The following PLCB1 variants were observed in gnomAD, a reference collection of about 807,000 sequenced individuals.
The protein encoded by PLCB1 is 1-phosphatidylinositol 4,5-bisphosphate phosphodiesterase beta-1.
A neutral mutation model predicts 161.8 loss-of-function variants in PLCB1; 46 were observed. The observed-to-expected ratio is 0.28, with a 90% CI of 0.22 to 0.36. The LOEUF (loss-of-function observed/expected upper bound fraction) is 0.36. Ranked by LOEUF, PLCB1 falls within the 10% of genes least tolerant of loss-of-function variation. The pLI, the probability that PLCB1 is intolerant of heterozygous loss-of-function variation, is 1.00. For synonymous variants in PLCB1, 517 were observed against 503.7 expected (o/e 1.03, Z -0.35); for missense variants, 1,016 against 1,472.5 (o/e 0.69, Z 5.07).
chr20:8,336,813 T>C (rs371864632), intron 2 of PLCB1, among the ~76,000 whole-genome samples: 1 of 152,232 alleles, frequency 6.6e-6, no homozygotes, highest in East Asian at 1.9e-4. Flanking sequence ...TTTCATTTAC[T>C]GTCTCACCAT....
At chr20:8,183,380 G>A (rs1156498529) in intron 2 of PLCB1, among the ~76,000 whole-genome samples, 1 of 152,144 alleles carries the variant, frequency 6.6e-6, no homozygotes, top group African/African-American at 2.4e-5. Context: ...ACATCACAAG[G>A]TAAAATTTGA....
intron 3 of PLCB1, among the ~76,000 whole-genome samples, chr20:8,471,347 A>T (rs1243955759): frequency 6.6e-6 from 1 of 152,040 alleles, no homozygotes; most frequent in African/African-American, 2.4e-5. Flanking sequence ...TTCCCTAATC[A>T]TTTCTTTTGG....
chr20:8,647,833 T>G (rs536785466), intron 5 of PLCB1, 67 bp from the exon 6 acceptor site: 3 of 1,270,666 alleles, frequency 2.4e-6, no homozygotes, highest in South Asian at 2.4e-5. Context: ...TTGAGTGTAT[T>G]TTATTGTTCA....
At chr20:8,181,140 T>C (rs556736527) in intron 2 of PLCB1, among the ~76,000 whole-genome samples, 3 of 150,682 alleles carry the variant, frequency 2.0e-5, no homozygotes, top group African/African-American at 7.3e-5. Context: ...TCCCAGCTAC[T>C]CGGGAGGCTG....
intron 4 of PLCB1, among the ~76,000 whole-genome samples, chr20:8,631,046 A>G (rs1315422653): frequency 4.6e-5 from 7 of 152,194 alleles, no homozygotes; most frequent in Non-Finnish European, 2.9e-5. Context: ...GTGATGTTCT[A>G]TAGAGTATTT....
intron 9 of PLCB1, among the ~76,000 whole-genome samples, chr20:8,675,056 G>A (rs1039792330): frequency 6.6e-6 from 1 of 151,834 alleles, no homozygotes; most frequent in African/African-American, 2.4e-5. Context: ...ACAGACTTAG[G>A]GTACAGAATT....
chr20:8,153,954 A>G (rs2051534139), intron 2 of PLCB1, among the ~76,000 whole-genome samples: 2 of 152,194 alleles, frequency 1.3e-5, no homozygotes, highest in East Asian at 3.8e-4. Flanking sequence ...TCTGTAAAAT[A>G]GTAAAGCAAT....
At chr20:8,381,888 A>G (rs1422001866) in intron 3 of PLCB1, among the ~76,000 whole-genome samples, 1 of 151,220 alleles carries the variant, frequency 6.6e-6, no homozygotes, top group South Asian at 2.1e-4. Flanking sequence ...TTTTTTCGGG[A>G]AAAAAAGAAG....
intron 2 of PLCB1, among the ~76,000 whole-genome samples, chr20:8,220,184 G>A (rs141862938): frequency 4.5e-4 from 69 of 152,206 alleles, no homozygotes; most frequent in African/African-American, 1.6e-3. Context: ...CAAAAACTGC[G>A]ATTGGTATCA....
At chr20:8,571,895 G>A (rs191160812) in intron 3 of PLCB1, among the ~76,000 whole-genome samples, 1 of 152,068 alleles carries the variant, frequency 6.6e-6, no homozygotes, top group Non-Finnish European at 1.5e-5. Context: ...GAAACTGAGG[G>A]GCCCTTTTCC....
At chr20:8,428,105 G>T (rs1217217421) in intron 3 of PLCB1, among the ~76,000 whole-genome samples, 2 of 152,154 alleles carry the variant, frequency 1.3e-5, no homozygotes, top group Non-Finnish European at 2.9e-5. Flanking sequence ...GATACAACCA[G>T]GTTGGGTCCA....
chr20:8,142,679 T>A (rs1600194290), intron 1 of PLCB1, among the ~76,000 whole-genome samples: 1 of 152,172 alleles, frequency 6.6e-6, no homozygotes, highest in African/African-American at 2.4e-5. Context: ...GAACAAAAGA[T>A]GCATGGTTGT....
chr20:8,166,587 T>C (rs999597102), intron 2 of PLCB1, among the ~76,000 whole-genome samples: 5 of 152,010 alleles, frequency 3.3e-5, no homozygotes, highest in African/African-American at 1.2e-4. Context: ...GTTCCTGAGA[T>C]ACCGGAAAGC....
intron 3 of PLCB1, among the ~76,000 whole-genome samples, chr20:8,407,447 A>G (rs993621019): frequency 1.3e-5 from 2 of 152,264 alleles, no homozygotes; most frequent in Non-Finnish European, 2.9e-5. Flanking sequence ...TTACAGTTCT[A>G]CATGGCTGGG....
At chr20:8,529,023 A>C (rs1375014557) in intron 3 of PLCB1, among the ~76,000 whole-genome samples, 5 of 151,984 alleles carry the variant, frequency 3.3e-5, no homozygotes, top group African/African-American at 1.2e-4. Context: ...GGTGGTTTGT[A>C]CTTCCAGTCC....
intron 3 of PLCB1, among the ~76,000 whole-genome samples, chr20:8,459,664 G>A (rs1205592154): frequency 6.6e-6 from 1 of 152,180 alleles, no homozygotes; most frequent in African/African-American, 2.4e-5. Flanking sequence ...ATTATCTAAA[G>A]GGATTGTTAC....
chr20:8,340,269 TA>T (rs1191761170), intron 2 of PLCB1, among the ~76,000 whole-genome samples: 1 of 152,206 alleles, frequency 6.6e-6, no homozygotes, highest in Non-Finnish European at 1.5e-5. Flanking sequence ...CGGCAAACTT[TA>T]AAGCTCCTGC....
chr20:8,606,512 T>C (rs1202022670), intron 3 of PLCB1, among the ~76,000 whole-genome samples: 2 of 152,158 alleles, frequency 1.3e-5, no homozygotes, highest in African/African-American at 4.8e-5. Flanking sequence ...ACTAGTATGA[T>C]TACAATTATT....
chr20:8,852,147 T>C (rs950628163), intron 31 of PLCB1, among the ~76,000 whole-genome samples: 11 of 152,234 alleles, frequency 7.2e-5, no homozygotes, highest in African/African-American at 2.7e-4. Flanking sequence ...TGCCTCCTAA[T>C]TATTCTGTCA....
Sources: gnomAD v4.1 joint callset for allele counts (sites outside exome capture counted in the v4.1 genomes callset) on GRCh38, gnomAD v4.1.1 for gene constraint, MANE v1.5 for transcripts, NCBI Gene and HGNC (gene_info 2026-07-23, HGNC 2026-07-21) for gene names.